The following STX8 variants were observed in gnomAD, a reference collection of about 807,000 sequenced individuals.
The protein encoded by STX8 is syntaxin-8.
In STX8, 23 loss-of-function variants were observed where a neutral mutation model predicts 37.5. The observed-to-expected ratio is 0.61, with a 90% CI of 0.44 to 0.87. The LOEUF is 0.87. Ranked by LOEUF, STX8 falls within the 40% of genes least tolerant of loss-of-function variation. The pLI, the probability that STX8 is intolerant of heterozygous loss-of-function variation, is 0.00. For missense variants in STX8, 313 were observed against 284.7 expected, an observed-to-expected ratio of 1.10 and a Z score of -0.71; for synonymous variants, 115 against 99.1, an observed-to-expected ratio of 1.16 and a Z score of -0.95.
intron 7 of STX8, among the ~76,000 whole-genome samples, chr17:9,365,365 T>C (rs9901546): frequency 0.32 from 48,492 of 152,138 alleles, 9,394 homozygotes; most frequent in African/African-American, 0.56. Flanking sequence ...TGCAGGAAGG[T>C]TTCCCTGTCT....
rs572008957 is a variant in STX8 at position 9,476,743 on chromosome 17, G to A, written c.541+15086C>T. Among the ~76,000 whole-genome samples, 49 of 152,118 alleles carry A rather than the reference G, an allele frequency of 3.2e-4. 1 individual carries two copies. Among genetic ancestry groups the A allele is most frequent in the Admixed American group, 2.2e-3 (34 of 15,264 alleles). On this transcript the variant is annotated intron_variant, in intron 6 of 7. Transcript: ENST00000306357. ...GCTGGGATTACAGGTGTGAGCCACC[G>A]CACCCAGCCAGAGGTCATTTCTTCT...
At chr17:9,457,765 G>A (rs1222756320) in intron 6 of STX8, among the ~76,000 whole-genome samples, 11 of 152,244 alleles carry the variant, frequency 7.2e-5, no homozygotes, top group Non-Finnish European at 1.6e-4. Context: ...TAAAAAAGGT[G>A]AGACACCTCT....
At chr17:9,558,573 C>A (rs978106422) in intron 2 of STX8, among the ~76,000 whole-genome samples, 2 of 152,204 alleles carry the variant, frequency 1.3e-5, no homozygotes, top group Non-Finnish European at 2.9e-5. Flanking sequence ...CGGTGGCTCA[C>A]GCCTGTAATC....
At chr17:9,542,963 C>G (rs1040959819) in intron 4 of STX8, among the ~76,000 whole-genome samples, 1 of 152,248 alleles carries the variant, frequency 6.6e-6, no homozygotes, top group Admixed American at 6.5e-5. Context: ...ACAAAACAAA[C>G]AAGGACCTGG....
At chr17:9,369,903 A>G (rs1444006747) in intron 7 of STX8, among the ~76,000 whole-genome samples, 1 of 148,436 alleles carries the variant, frequency 6.7e-6, no homozygotes, top group African/African-American at 2.5e-5. Context: ...AAAAAAAAAA[A>G]AAAAAAAGAA....
Position 9,547,644 on chromosome 17 carries a change from AAAG to A in STX8, c.213-2365_213-2363del, listed in dbSNP as rs1256265064. Among the ~76,000 whole-genome samples the A allele has an allele frequency of 8.7e-3, 1,289 of 148,944 alleles. 15 individuals are homozygous for A. The highest frequency in any genetic ancestry group is 0.017 in the Middle Eastern group (5 of 288). On this transcript the variant is annotated intron_variant, in intron 3 of 7. Coordinates refer to ENST00000306357, the MANE Select transcript of STX8 (RefSeq NM_004853.3). ...CTCCGTCTCAAAAAAAAAAAAGAAA[AAAG>A]AAAAGAAAAGAAAAGAAATACACAC...
chr17:9,521,113 T>G (rs1044416878), intron 4 of STX8, among the ~76,000 whole-genome samples: 8 of 152,234 alleles, frequency 5.3e-5, no homozygotes, highest in Non-Finnish European at 1.0e-4. Context: ...CAAATTTCAA[T>G]TAGAAATAGA....
rs145130223 is a variant in STX8, at chr17:9,352,226, C to T, written c.643+26326G>A. Among the ~76,000 whole-genome samples, 1,249 of 151,064 alleles carry T rather than the reference C, an allele frequency of 8.3e-3. 16 individuals are homozygous for T. Among genetic ancestry groups the T allele is most frequent in the African/African-American group, 0.028 (1,152 of 41,286 alleles). The stretch of plus-strand genomic sequence containing the variant: ...CCAGGTTGTCATACTCCTGGTGATG[C>T]TAAGTTTGATCACTTTTTTCAAGTG... On this transcript the variant is annotated intron_variant, in intron 7 of 7. Coordinates refer to ENST00000306357, the MANE Select transcript of STX8 (RefSeq NM_004853.3).
At chr17:9,424,159 C>T (rs534959516) in intron 6 of STX8, among the ~76,000 whole-genome samples, 46 of 152,202 alleles carry the variant, frequency 3.0e-4, no homozygotes, top group African/African-American at 1.1e-3. Flanking sequence ...CCTGGCTGGG[C>T]GACCCCCTAA....
intron 7 of STX8, among the ~76,000 whole-genome samples, chr17:9,337,351 G>A (rs1015935528): frequency 1.3e-5 from 2 of 151,796 alleles, no homozygotes; most frequent in South Asian, 4.2e-4. Context: ...AAAATCCTAG[G>A]GACCACTTAC....
intron 6 of STX8, among the ~76,000 whole-genome samples, chr17:9,470,345 G>A (rs553942621): frequency 6.6e-6 from 1 of 152,290 alleles, no homozygotes; most frequent in South Asian, 2.1e-4. Context: ...CCCTGCTCAA[G>A]CACTTGGTTC....
chr17:9,282,273 C>T (rs1907913966), intron 7 of STX8, among the ~76,000 whole-genome samples: 2 of 152,134 alleles, frequency 1.3e-5, no homozygotes, highest in Non-Finnish European at 2.9e-5. Context: ...GCTGGGACTA[C>T]AGGCACCTGC....
At chr17:9,537,263 A>G (rs1301292020) in intron 4 of STX8, among the ~76,000 whole-genome samples, 2 of 152,374 alleles carry the variant, frequency 1.3e-5, no homozygotes, top group East Asian at 3.9e-4. Context: ...GAGTATACAG[A>G]AAGACTACAT....
intron 6 of STX8, among the ~76,000 whole-genome samples, chr17:9,428,275 T>G (rs536847343): frequency 2.0e-5 from 3 of 152,176 alleles, no homozygotes; most frequent in Non-Finnish European, 4.4e-5. Context: ...GGAGTCTCAC[T>G]CTGTCTCCAG....
chr17:9,491,780 T>G (rs1411926588), intron 6 of STX8, 49 bp downstream of exon 6: 1 of 1,464,494 alleles, frequency 6.8e-7, no homozygotes, highest in East Asian at 2.3e-5. Flanking sequence ...CTCAAGCCTT[T>G]AGTATTTATG....
At chr17:9,392,016 C>T (rs961072914) in intron 6 of STX8, among the ~76,000 whole-genome samples, 8 of 152,204 alleles carry the variant, frequency 5.3e-5, no homozygotes, top group Non-Finnish European at 7.3e-5. Context: ...TGGTCACTGG[C>T]TACTGCACCT....
intron 4 of STX8, among the ~76,000 whole-genome samples, chr17:9,531,133 CA>C (rs1476678774): frequency 6.6e-6 from 1 of 152,174 alleles, no homozygotes; most frequent in Non-Finnish European, 1.5e-5. Flanking sequence ...TCTTTTGTTC[CA>C]CGGGTTTATC....
chr17:9,294,683 G>C (rs1290435641), intron 7 of STX8, among the ~76,000 whole-genome samples: 2 of 152,208 alleles, frequency 1.3e-5, no homozygotes, highest in Admixed American at 6.5e-5. Context: ...GGAAACTCTA[G>C]TGTTGGTAAG....
At chr17:9,439,283 A>AT (rs1310090288) in intron 6 of STX8, among the ~76,000 whole-genome samples, 1 of 152,160 alleles carries the variant, frequency 6.6e-6, no homozygotes, top group African/African-American at 2.4e-5. Flanking sequence ...AAACAGATGA[A>AT]TTTTTAACAG....
Sources: allele counts gnomAD v4.1 joint callset (sites outside exome capture counted in the v4.1 genomes callset), GRCh38; gene constraint gnomAD v4.1.1; transcripts MANE v1.5; gene names NCBI Gene and HGNC (gene_info 2026-07-23, HGNC 2026-07-21).